The following CHD3 variants were observed in gnomAD, a reference collection of about 807,000 sequenced individuals.
The protein encoded by CHD3 is ATP-dependent chromatin remodeler CHD3.
A neutral mutation model predicts 248.9 loss-of-function variants in CHD3; 52 were observed. That is an observed-to-expected ratio of 0.21 (90% CI 0.17 to 0.26). CHD3 has a LOEUF of 0.26. Ranked by LOEUF, CHD3 falls within the 10% of genes least tolerant of loss-of-function variation. CHD3 has a pLI of 1.00. For missense variants in CHD3, 1,482 were observed against 2,605.8 expected, an observed-to-expected ratio of 0.57 and a Z score of 9.39; for synonymous variants, 985 against 985.2, an observed-to-expected ratio of 1.00 and a Z score of 0.00.
Position 7,911,580 on chromosome 17 carries a change from G to T in CHD3, c.5998G>T (p.Asp2000Tyr), listed in dbSNP as rs1306527244. 1.2e-6 allele frequency: 2 copies of T among 1,614,068 alleles called. No homozygotes were observed. Among genetic ancestry groups the T allele is most frequent in the Admixed American group, 1.7e-5 (1 of 60,022 alleles). ...PRAGEVICID[D>Y] ...AGCCGGGGAGGTGATCTGTATAGAC[G>T]ACTGACTGGATCCCAGGCCTGCCCT... Residue 2000 changes from aspartate (D) to tyrosine (Y), a missense_variant, in exon 40 of 40, where the codon GAC becomes TAC. Physicochemically the swap from Asp to Tyr is radical, Grantham distance 160. This residue lies in a region of CHD3 where 117 missense variants were observed against 137.2 expected (regional missense o/e 0.85). Transcript: ENST00000330494. The surrounding 1 kb of genome is among the most constrained non-coding windows in gnomAD (Gnocchi z 5.4).
upstream of CHD3, among the ~76,000 whole-genome samples, chr17:7,886,851 G>A (rs2151428626): frequency 6.6e-6 from 1 of 152,162 alleles, no homozygotes; most frequent in South Asian, 2.1e-4. This position sits in a 1 kb window ranked among gnomAD's most constrained non-coding sequence, Gnocchi z 4.2. Context: ...GGGTACGTTG[G>A]GGAGAGAAGC....
chr17:7,889,556 A>G lies in CHD3; in HGVS notation c.101-108A>G. The G allele has an allele frequency of 1.2e-6, 1 of 855,514 alleles. No individual in the cohort carries two copies. 53.0% of individuals were successfully genotyped at this position (855,514 alleles called of 1,614,324 possible). ...AGGGAGGCAGGGCTTGGAGGAGTTA[A>G]TGCTTCCTAGAGAGTGGGAACTGCC... On this transcript the variant is annotated intron_variant, in intron 1 of 39. Transcript: ENST00000330494. The surrounding 1 kb of genome is among the most constrained non-coding windows in gnomAD (Gnocchi z 4.5).
chr17:7,893,663 G>C, intron 5 of CHD3, 94 bp downstream of exon 5: 1 of 1,527,700 alleles, frequency 6.5e-7, no homozygotes, highest in Non-Finnish European at 8.8e-7. Flanking sequence ...AGCCCTGATT[G>C]CTGGAGGAGA....
Position 7,909,236 on chromosome 17 carries a change from C to T in CHD3, c.5488C>T (p.His1830Tyr). Residue 1830 changes from histidine to tyrosine, a missense_variant, in exon 37 of 40, where the codon CAC becomes TAC. His to Tyr is a moderately conservative substitution (Grantham distance 83). Transcript: ENST00000330494. This position sits in a 1 kb window ranked among gnomAD's most constrained non-coding sequence, Gnocchi z 8.1. Reference sequence around the variant, plus strand: ...GCCGGCGCACCCCGCCATGGCCCTCCACGCCCGCTTCGCCGAGGCCGAGTG... The same window carrying T: ...GCCGGCGCACCCCGCCATGGCCCTCTACGCCCGCTTCGCCGAGGCCGAGTG... ...QEPAHPAMAL[H>Y]ARFAEAECLA... The T allele has an allele frequency of 6.4e-7, 1 of 1,552,128 alleles. No individual in the cohort carries two copies. Among genetic ancestry groups the T allele is most frequent in the Non-Finnish European group, 8.7e-7 (1 of 1,148,824 alleles).
At chr17:7,888,292 C>CGACTCTGAGGCAGT (rs1567830233), upstream of CHD3, among the ~76,000 whole-genome samples, 1 of 152,182 alleles carries the variant, frequency 6.6e-6, no homozygotes, top group Non-Finnish European at 1.5e-5. Context: ...GGCGAGGCAG[C>CGACTCTGAGGCAGT]GACTCTGAGG....
In CHD3 at chr17:7,895,373, T is replaced by A. The variant is rs1352542884; in HGVS notation, c.1538T>A (p.Leu513Gln). Residue 513 changes from leucine (L) to glutamine (Q), a missense_variant, in exon 10 of 40, where the codon CTA (leucine) becomes CAA (glutamine). Physicochemically the swap from Leu to Gln is moderately radical, Grantham distance 113 (BLOSUM62 -2). Around this residue, in one of 20 missense-constraint regions of CHD3, gnomAD observed 138 missense variants for 241.1 expected, o/e 0.57. Transcript: ENST00000330494. The surrounding 1 kb of genome is among the most constrained non-coding windows in gnomAD (Gnocchi z 4.9). Reference protein sequence around the residue: ...PVLKGRVQKILHWRWGEPPVA... With the variant: ...PVLKGRVQKIQHWRWGEPPVA... Reference sequence around the variant, plus strand: ...CTGAAGGGTCGAGTGCAGAAGATCCTACATTGGCGGTGGGGGGAGCCACCT... The same window carrying A: ...CTGAAGGGTCGAGTGCAGAAGATCCAACATTGGCGGTGGGGGGAGCCACCT... 1 of 1,614,168 alleles carries A rather than the reference T, an allele frequency of 6.2e-7. No homozygotes were observed. The highest frequency in any genetic ancestry group is 8.5e-7 in the Non-Finnish European group (1 of 1,180,016).
chr17:7,903,928 G>A lies in CHD3; in HGVS notation c.3831G>A (p.Gln1277=). 1 of 1,614,182 alleles carries A rather than the reference G, an allele frequency of 6.2e-7. No individual in the cohort carries two copies. The highest frequency in any genetic ancestry group is 8.5e-7 in the Non-Finnish European group (1 of 1,180,028). The change falls in exon 24 of 40, where the codon CAG becomes CAA. Residue 1277 remains glutamine (Q), a synonymous_variant. Transcript: ENST00000330494. This position sits in a 1 kb window ranked among gnomAD's most constrained non-coding sequence, Gnocchi z 6.8. ...ATGCAACTGAGGACACTGACGTGCA[G>A]AACATGAATGAGTATCTCAGCTCCT... ...NQDATEDTDV[Q]NMNEYLSSFK...
chr17:7,894,268 A>G lies in CHD3; in HGVS notation c.1075+3A>G. On this transcript the variant is annotated splice_donor_region_variant and intron_variant, in intron 7 of 39. Coordinates refer to ENST00000330494, the MANE Select transcript of CHD3 (RefSeq NM_001005273.3). ...GCCAGGAAGGAAGAAGAAGAAGGGT[A>G]AGGAGTGTTGACTGTGTGTGATCCT... 6.2e-7 allele frequency: 1 copy of G among 1,613,612 alleles called. No homozygotes were observed. The highest frequency in any genetic ancestry group is 8.5e-7 in the Non-Finnish European group (1 of 1,179,756).
intron 8 of CHD3, 146 bp from the exon 9 acceptor site, chr17:7,894,770 AT>A: frequency 7.2e-7 from 1 of 1,392,716 alleles, no homozygotes; most frequent in South Asian, 1.4e-5. Context: ...CACAATCAAC[AT>A]TTCTGAAACT....
intron 8 of CHD3, 121 bp downstream of exon 8, chr17:7,894,729 G>A (rs1969401684): frequency 7.5e-7 from 1 of 1,339,880 alleles, no homozygotes; most frequent in Admixed American, 2.1e-5. Context: ...AGATGTCCGA[G>A]TGTCTAGGAT....
At chr17:7,887,701 C>T (rs1243399378), upstream of CHD3, among the ~76,000 whole-genome samples, 1 of 152,122 alleles carries the variant, frequency 6.6e-6, no homozygotes, top group Non-Finnish European at 1.5e-5. Context: ...TCGGCCGAGA[C>T]TCCTCCCGCT....
At position 7,899,290 on chromosome 17, in the gene CHD3, A is replaced by G; in HGVS notation, c.2344-53A>G. ...AAAGGGGTGTAGCTGGCAGAGGACT[A>G]GGGTATACGGCCTCTAGCCTAGACT... On this transcript the variant is annotated intron_variant, in intron 14 of 39. Coordinates refer to ENST00000330494, the MANE Select transcript of CHD3 (RefSeq NM_001005273.3). The surrounding 1 kb of genome is among the most constrained non-coding windows in gnomAD (Gnocchi z 6.8). The G allele has an allele frequency of 6.2e-7, 1 of 1,603,258 alleles. No homozygotes were observed. The highest frequency in any genetic ancestry group is 8.5e-7 in the Non-Finnish European group (1 of 1,170,600).
rs1372437388 is a variant in CHD3 at position 7,905,067 on chromosome 17, T to TC, written c.4073-30dup. 1 of 1,606,084 alleles carries TC rather than the reference T, an allele frequency of 6.2e-7. No homozygotes were observed. The highest frequency in any genetic ancestry group is 8.5e-7 in the Non-Finnish European group (1 of 1,172,758). On this transcript the variant is annotated intron_variant, in intron 25 of 39. Transcript: ENST00000330494. The surrounding 1 kb of genome is among the most constrained non-coding windows in gnomAD (Gnocchi z 5.8). ...CAGCATGGGCATATCCCGAGAGCCC[T>TC]CCCTGACCACTGGGCCCTTTCCACC...
In CHD3 at chr17:7,895,613, CTGTT is replaced by C; in HGVS notation, c.1707+76_1707+79del. 3.0e-6 allele frequency: 4 copies of C among 1,353,500 alleles called. No homozygotes were observed. Among genetic ancestry groups the C allele is most frequent in the Non-Finnish European group, 3.1e-6 (3 of 954,572 alleles). 83.8% of individuals were successfully genotyped at this position (1,353,500 alleles called of 1,614,324 possible). A position where few individuals can be genotyped will look rare whatever the true frequency, so the allele number is the denominator to read the frequency against. On this transcript the variant is annotated intron_variant, in intron 10 of 39. Coordinates refer to ENST00000330494, the MANE Select transcript of CHD3 (RefSeq NM_001005273.3). The surrounding 1 kb of genome is among the most constrained non-coding windows in gnomAD (Gnocchi z 4.9). Reference sequence around the variant, plus strand: ...GCCATCCTCTCCCTCTCTTACTCCTCTGTTTGTTGGGTTCCCATACTCTTTGTTT... The same window carrying C: ...GCCATCCTCTCCCTCTCTTACTCCTCTGTTGGGTTCCCATACTCTTTGTTT...
At position 7,890,633 on chromosome 17, in the gene CHD3, C is replaced by T; in HGVS notation, c.276C>T (p.Gly92=). 1 of 1,605,198 alleles carries T rather than the reference C, an allele frequency of 6.2e-7. No individual in the cohort carries two copies. The highest frequency in any genetic ancestry group is 8.5e-7 in the Non-Finnish European group (1 of 1,178,112). Residue 92 remains glycine (G), a synonymous_variant, in exon 3 of 40, where the codon GGC becomes GGT. Coordinates refer to ENST00000330494, the MANE Select transcript of CHD3 (RefSeq NM_001005273.3). ...ACCGGGAGAAGTCAGAGAGTGGGGGCAGTGAATATGGAACCGGACCGGGTC... is the reference window on the plus strand; with the variant it reads ...ACCGGGAGAAGTCAGAGAGTGGGGGTAGTGAATATGGAACCGGACCGGGTC... ...DEYREKSESG[G]SEYGTGPGRK...
At chr17:7,902,831 A>T in intron 21 of CHD3, 104 bp downstream of exon 21, 1 of 1,579,834 alleles carries the variant, frequency 6.3e-7, no homozygotes, top group Non-Finnish European at 8.6e-7. Context: ...TTGGAAACTT[A>T]GGCTTTGAGT....
chr17:7,898,253 C>T, intron 12 of CHD3, 151 bp downstream of exon 12: 1 of 939,428 alleles, frequency 1.1e-6, no homozygotes, highest in Non-Finnish European at 1.6e-6. Context: ...GATAGGCTTG[C>T]TAAAGAGGTA....
chr17:7,891,137 T>A (rs923716434), intron 4 of CHD3, 73 bp downstream of exon 4: 1 of 1,544,644 alleles, frequency 6.5e-7, no homozygotes, highest in African/African-American at 1.4e-5. Flanking sequence ...CCTTGGAATC[T>A]GATGAAAGCT....
rs1057399559 is a variant in CHD3, at chr17:7,906,047, C to T, written c.4358+58C>T. 26 of 1,607,596 alleles carry T rather than the reference C, an allele frequency of 1.6e-5. No individual in the cohort carries two copies. The African/African-American group carries it at 2.5e-4, about 16-fold the overall frequency. On this transcript the variant is annotated intron_variant, in intron 28 of 39. Coordinates refer to ENST00000330494, the MANE Select transcript of CHD3 (RefSeq NM_001005273.3). This position sits in a 1 kb window ranked among gnomAD's most constrained non-coding sequence, Gnocchi z 5.0. ...GCAAGGGGAAGAGCTTTGGGTGTTC[C>T]TTTCTTCCTTGGGGCCGCCATATGA...
Sources: allele counts gnomAD v4.1 joint callset (sites outside exome capture counted in the v4.1 genomes callset), GRCh38; gene constraint gnomAD v4.1.1; regional missense constraint gnomAD v4.1.1; non-coding constraint Gnocchi (gnomAD v3.1); transcripts MANE v1.5; gene names NCBI Gene and HGNC (gene_info 2026-07-23, HGNC 2026-07-21).